Variants in ERBB4 observed in about 807,000 individuals in gnomAD.
ERBB4 encodes erb-b2 receptor tyrosine kinase 4.
In ERBB4, 42 loss-of-function variants were observed where a neutral mutation model predicts 158.0. The observed-to-expected ratio is 0.27, with a 90% confidence interval of 0.21 to 0.34. The LOEUF is 0.34. Ranked by LOEUF, ERBB4 falls within the 10% of genes least tolerant of loss-of-function variation. ERBB4 has a pLI of 1.00. For missense variants in ERBB4, 1,333 were observed against 1,624.1 expected (o/e 0.82, Z 3.08); for synonymous variants, 583 against 558.7 (o/e 1.04, Z -0.61).
chr2:212,456,841 T>C (rs1386989052), intron 1 of ERBB4, among the ~76,000 whole-genome samples: 2 of 151,962 alleles, frequency 1.3e-5, no homozygotes, highest in Non-Finnish European at 2.9e-5. Context: ...CAAATAGTAA[T>C]TGTAAGCTGT....
chr2:211,601,827 G>A (rs923044627), intron 19 of ERBB4, among the ~76,000 whole-genome samples: 4 of 151,812 alleles, frequency 2.6e-5, no homozygotes, highest in Non-Finnish European at 4.4e-5. Context: ...GAGGGAGGGA[G>A]GGAGGCAAAA....
intron 20 of ERBB4, among the ~76,000 whole-genome samples, chr2:211,494,766 G>A (rs1194726720): frequency 3.3e-5 from 5 of 152,100 alleles, no homozygotes; most frequent in Non-Finnish European, 7.3e-5. Context: ...CTTCAAAGCT[G>A]CATGTTATTT....
intron 25 of ERBB4, among the ~76,000 whole-genome samples, chr2:211,407,968 A>G (rs923483308): frequency 2.6e-5 from 4 of 152,218 alleles, no homozygotes; most frequent in African/African-American, 9.7e-5. Flanking sequence ...GCCTCTCAAA[A>G]TGCCATCAGT....
chr2:211,454,762 A>G (rs563798877), intron 20 of ERBB4, among the ~76,000 whole-genome samples: 7 of 152,328 alleles, frequency 4.6e-5, no homozygotes, highest in African/African-American at 1.7e-4. Context: ...AGAGAGAACC[A>G]TGAGAGCTCC....
chr2:211,592,467 A>T (rs771331580), intron 19 of ERBB4, among the ~76,000 whole-genome samples: 4 of 152,220 alleles, frequency 2.6e-5, no homozygotes, highest in Non-Finnish European at 5.9e-5. Context: ...ATTACAGTGT[A>T]GGCAGTAAAT....
intron 1 of ERBB4, among the ~76,000 whole-genome samples, chr2:212,186,747 A>AT (rs1183133099): frequency 6.6e-6 from 1 of 151,998 alleles, no homozygotes; most frequent in Non-Finnish European, 1.5e-5. Flanking sequence ...GGTTTGTTTT[A>AT]TTTTTTTTAA....
At chr2:211,506,017 C>A (rs62178825) in intron 20 of ERBB4, among the ~76,000 whole-genome samples, 22,574 of 150,090 alleles carry the variant, frequency 0.15, 2,773 homozygotes, top group African/African-American at 0.35. Flanking sequence ...CAAGACCCAA[C>A]CATCTGCAGC....
chr2:212,309,295 C>G (rs2086931652), intron 1 of ERBB4, among the ~76,000 whole-genome samples: 1 of 150,894 alleles, frequency 6.6e-6, no homozygotes, highest in African/African-American at 2.4e-5. Context: ...CCTGCAAGCA[C>G]ATAAAGGACA....
chr2:212,461,002 T>C (rs987831252), intron 1 of ERBB4, among the ~76,000 whole-genome samples: 11 of 152,136 alleles, frequency 7.2e-5, no homozygotes, highest in African/African-American at 2.7e-4. Flanking sequence ...CAATCATGGC[T>C]GAAAGCTGCT....
chr2:212,195,365 T>A (rs1378073504), intron 1 of ERBB4, among the ~76,000 whole-genome samples: 2 of 151,916 alleles, frequency 1.3e-5, no homozygotes, highest in Non-Finnish European at 2.9e-5. Flanking sequence ...GCTCAGATTT[T>A]AAAAAAAGAC....
intron 1 of ERBB4, among the ~76,000 whole-genome samples, chr2:212,230,384 G>C (rs1163571292): frequency 6.6e-6 from 1 of 152,152 alleles, no homozygotes; most frequent in Non-Finnish European, 1.5e-5. Context: ...TACTATCTCA[G>C]TTAATTGATT....
intron 19 of ERBB4, among the ~76,000 whole-genome samples, chr2:211,579,363 G>A (rs779797202): frequency 1.3e-5 from 2 of 152,162 alleles, no homozygotes; most frequent in Non-Finnish European, 2.9e-5. Flanking sequence ...ATGTAAATTA[G>A]TTCAACCATT....
chr2:211,756,205 T>TA, intron 4 of ERBB4, among the ~76,000 whole-genome samples: 1 of 152,238 alleles, frequency 6.6e-6, no homozygotes, highest in South Asian at 2.1e-4. Flanking sequence ...GGCAAGTAAC[T>TA]ATTATGACCA....
intron 6 of ERBB4, 39 bp from the exon 7 acceptor site, chr2:211,722,573 C>A (rs748199631): frequency 1.9e-6 from 3 of 1,602,110 alleles, no homozygotes; most frequent in Non-Finnish European, 2.6e-6. Flanking sequence ...TACAAATAAA[C>A]TCATAATACT....
chr2:212,225,150 T>A (rs1533768), intron 1 of ERBB4, among the ~76,000 whole-genome samples: 73,272 of 151,776 alleles, frequency 0.48, 18,096 homozygotes, highest in East Asian at 0.76. Context: ...CTTTACTATA[T>A]TAAAACTTTC....
chr2:211,618,606 C>T (rs948385702), intron 19 of ERBB4, among the ~76,000 whole-genome samples: 1 of 152,050 alleles, frequency 6.6e-6, no homozygotes. Context: ...TTGGGGTAAC[C>T]TTGGGTTAAC....
chr2:212,241,038 G>A (rs2084084568), intron 1 of ERBB4, among the ~76,000 whole-genome samples: 1 of 152,118 alleles, frequency 6.6e-6, no homozygotes, highest in African/African-American at 2.4e-5. Context: ...ATATAAAAAT[G>A]TAGATTTATT....
chr2:212,463,972 C>A (rs769022789), intron 1 of ERBB4, among the ~76,000 whole-genome samples: 1 of 151,956 alleles, frequency 6.6e-6, no homozygotes, highest in East Asian at 1.9e-4. Flanking sequence ...CCCAGTGATA[C>A]ATTCTGCACA....
rs138739613 is a variant in ERBB4 at position 212,230,189 on chromosome 2, G to A, written c.83-105286C>T. Among the ~76,000 whole-genome samples, 972 of 152,208 alleles carry A rather than the reference G, an allele frequency of 6.4e-3. 15 individuals carry two copies. The highest frequency in any genetic ancestry group is 0.022 in the African/African-American group (931 of 41,528). ...AATCCCAGCTACTCGGGAGGCTGAG[G>A]CAGGAGAATTGCTTGAACCTGGGAG... On this transcript the variant is annotated intron_variant, in intron 1 of 27. Coordinates refer to ENST00000342788, the MANE Select transcript of ERBB4 (RefSeq NM_005235.3).
Sources: allele counts gnomAD v4.1 joint callset (sites outside exome capture counted in the v4.1 genomes callset), GRCh38; gene constraint gnomAD v4.1.1; transcripts MANE v1.5; gene names NCBI Gene and HGNC (gene_info 2026-07-23, HGNC 2026-07-21).